The following THSD7B variants were observed in gnomAD, a reference collection of about 807,000 sequenced individuals.
THSD7B encodes thrombospondin type 1 domain containing 7B.
THSD7B carries 138 observed loss-of-function variants against 213.6 expected under a neutral mutation model. The observed-to-expected ratio is 0.65, with a 90% CI of 0.56 to 0.74. The LOEUF is 0.74. THSD7B is among the 30% of genes least tolerant of loss of function. The pLI, the probability that THSD7B is intolerant of heterozygous loss-of-function variation, is 0.00. For missense variants in THSD7B, 1,931 were observed against 1,991.5 expected (o/e 0.97, Z 0.58); for synonymous variants, 742 against 687.0 (o/e 1.08, Z -1.25).
chr2:137,050,833 T>TTAAG (rs1187158597), intron 2 of THSD7B, among the ~76,000 whole-genome samples: 2 of 152,188 alleles, frequency 1.3e-5, no homozygotes, highest in Admixed American at 6.5e-5. Context: ...GCAACAGAGC[T>TTAAG]TAAGTTTCCT....
At chr2:137,674,534 T>C (rs1479500225) in intron 27 of THSD7B, among the ~76,000 whole-genome samples, 1 of 152,196 alleles carries the variant, frequency 6.6e-6, no homozygotes, top group African/African-American at 2.4e-5. Context: ...CCATGTCAAG[T>C]GGGGTTCATG....
intron 17 of THSD7B, among the ~76,000 whole-genome samples, chr2:137,587,608 C>A (rs543075063): frequency 6.6e-5 from 10 of 152,210 alleles, no homozygotes; most frequent in Non-Finnish European, 1.5e-4. Flanking sequence ...CCACTCCAAA[C>A]CCTGTTTGCC....
intron 12 of THSD7B, among the ~76,000 whole-genome samples, chr2:137,372,482 A>G (rs1685554743): frequency 6.6e-6 from 1 of 151,642 alleles, no homozygotes. Context: ...TAGGGAGACA[A>G]AAGTTACAGG....
chr2:137,367,307 G>A (rs1038842544), intron 12 of THSD7B, among the ~76,000 whole-genome samples: 7 of 152,048 alleles, frequency 4.6e-5, no homozygotes, highest in African/African-American at 1.7e-4. Flanking sequence ...CTGAACCTTA[G>A]TTTCTTTGTA....
chr2:137,160,375 G>C lies in THSD7B; in HGVS notation c.1525+7G>C. Reference sequence around the variant, plus strand: ...GATCCTCAGGGGAAAAAAGGTGAGTGCCTTGTTTGCATGCGCTTCATTTGC... The same window carrying C: ...GATCCTCAGGGGAAAAAAGGTGAGTCCCTTGTTTGCATGCGCTTCATTTGC... On this transcript the variant is annotated splice_region_variant and intron_variant, in intron 6 of 27. Transcript: ENST00000409968. The C allele has an allele frequency of 1.2e-6, 2 of 1,610,956 alleles. No individual in the cohort carries two copies. The highest frequency in any genetic ancestry group is 2.7e-5 in the African/African-American group (2 of 74,930).
At chr2:137,284,526 T>G (rs1347293197) in intron 12 of THSD7B, among the ~76,000 whole-genome samples, 1 of 152,284 alleles carries the variant, frequency 6.6e-6, no homozygotes, top group East Asian at 1.9e-4. Context: ...TGCTTTCTCT[T>G]GTGGGCATTT....
Position 137,163,999 on chromosome 2 carries a change from G to A in THSD7B, c.1525+3631G>A, listed in dbSNP as rs201570439. On this transcript the variant is annotated intron_variant, in intron 6 of 27. Transcript: ENST00000409968. ...GATCAAAGTACAAGCTCAGTTCTGA[G>A]AAGAGAAGCCATCTGCCCATCATGC... Among the ~76,000 whole-genome samples the A allele has an allele frequency of 2.6e-5, 4 of 152,158 alleles. No homozygotes were observed. The East Asian group carries it at 5.8e-4, about 22-fold the overall frequency.
At chr2:137,111,723 C>T (rs144429723) in intron 4 of THSD7B, among the ~76,000 whole-genome samples, 6 of 152,106 alleles carry the variant, frequency 3.9e-5, no homozygotes, top group African/African-American at 1.4e-4. Context: ...CTTGTTTATT[C>T]TGTTTAGCCA....
chr2:137,654,607 A>T (rs1451590744), intron 21 of THSD7B, among the ~76,000 whole-genome samples: 12 of 152,052 alleles, frequency 7.9e-5, no homozygotes, highest in Admixed American at 7.2e-4. Flanking sequence ...GATTCGGGGG[A>T]GGGCTATTGC....
intron 2 of THSD7B, among the ~76,000 whole-genome samples, chr2:136,965,788 T>A (rs1685303967): frequency 6.6e-6 from 1 of 152,184 alleles, no homozygotes; most frequent in African/African-American, 2.4e-5. Flanking sequence ...CTTGTAAACT[T>A]TCCCTTTAGG....
At chr2:137,341,251 A>G (rs1406876691) in intron 12 of THSD7B, among the ~76,000 whole-genome samples, 3 of 151,546 alleles carry the variant, frequency 2.0e-5, no homozygotes, top group African/African-American at 7.3e-5. Flanking sequence ...TCTTCTTTTG[A>G]AAAATGTCTA....
rs1419238434 is a variant in THSD7B, at chr2:137,272,590, G to C, written c.2324G>C (p.Gly775Ala). 7 of 1,612,082 alleles carry C rather than the reference G, an allele frequency of 4.3e-6. No homozygotes were observed. The highest frequency in any genetic ancestry group is 5.9e-6 in the Non-Finnish European group (7 of 1,179,040). The change falls in exon 11 of 28, where the codon GGA becomes GCA. Residue 775 changes from glycine (G) to alanine (A), a missense_variant. Transcript: ENST00000409968. The part of the protein sequence containing the change: ...YRIIIQEAAN[G>A]GQECPDTLYE... ...ATCATCATCCAAGAAGCAGCCAATGGAGGCCAGGAATGCCCAGATACCTTA... is the reference window on the plus strand; with the variant it reads ...ATCATCATCCAAGAAGCAGCCAATGCAGGCCAGGAATGCCCAGATACCTTA...
chr2:137,316,921 T>A (rs1211971398), intron 12 of THSD7B, among the ~76,000 whole-genome samples: 1 of 152,034 alleles, frequency 6.6e-6, no homozygotes, highest in Non-Finnish European at 1.5e-5. Flanking sequence ...TCCCAGCAGA[T>A]AATTAAGGTT....
rs1389373672 is a variant in THSD7B at position 137,207,780 on chromosome 2, CTGTT to C, written c.1724-23259_1724-23256del. 3.3e-5 allele frequency among the ~76,000 whole-genome samples: 5 copies of C among 152,146 alleles called. No homozygotes were observed. In the South Asian group the frequency reaches 8.3e-4, roughly 25 times the overall value. ...AGCTCCTACTTATTCAAACCTCAGT[CTGTT>C]TGTTACCTCTTCCATGAAGTATATA... On this transcript the variant is annotated intron_variant, in intron 7 of 27. Coordinates refer to ENST00000409968, the MANE Select transcript of THSD7B (RefSeq NM_001316349.2).
At chr2:136,781,221 A>G (rs1275029342) in intron 1 of THSD7B, among the ~76,000 whole-genome samples, 3 of 150,632 alleles carry the variant, frequency 2.0e-5, no homozygotes, top group Admixed American at 1.3e-4. Flanking sequence ...TTTGTATTTT[A>G]TCACTGGGAA....
intron 1 of THSD7B, among the ~76,000 whole-genome samples, chr2:136,880,993 C>G (rs921674518): frequency 1.3e-5 from 2 of 152,026 alleles, no homozygotes. Flanking sequence ...TTAGTCCATT[C>G]CTCCCTCTTG....
intron 2 of THSD7B, among the ~76,000 whole-genome samples, chr2:136,886,407 C>T (rs1233023964): frequency 6.6e-6 from 1 of 152,062 alleles, no homozygotes. Flanking sequence ...ATAGCTTGAA[C>T]CAAGGCCATG....
intron 14 of THSD7B, among the ~76,000 whole-genome samples, chr2:137,430,180 A>G (rs1687144530): frequency 6.6e-6 from 1 of 152,114 alleles, no homozygotes; most frequent in Non-Finnish European, 1.5e-5. Flanking sequence ...CCAGGAATTC[A>G]AGGCTACAGT....
chr2:137,304,806 G>C (rs540845806), intron 12 of THSD7B, among the ~76,000 whole-genome samples: 1 of 151,774 alleles, frequency 6.6e-6, no homozygotes, highest in Non-Finnish European at 1.5e-5. Flanking sequence ...ATGATATATA[G>C]TTTTCTTAGC....
Sources: gnomAD v4.1 joint callset for allele counts (sites outside exome capture counted in the v4.1 genomes callset) on GRCh38, gnomAD v4.1.1 for gene constraint, MANE v1.5 for transcripts, NCBI Gene and HGNC (gene_info 2026-07-23, HGNC 2026-07-21) for gene names.